The following TTBK2 variants were observed in gnomAD, a reference collection of about 807,000 sequenced individuals.
TTBK2 encodes tau-tubulin kinase 2.
In TTBK2, 28 loss-of-function variants were observed where a neutral mutation model predicts 110.8. The ratio of observed to expected loss-of-function variants is 0.25; its 90% CI spans 0.19 to 0.35. The LOEUF (loss-of-function observed/expected upper bound fraction) is 0.35. Among genes scored for constraint, TTBK2 ranks in the 10% least tolerant of loss-of-function variants. The pLI is 1.00. For missense variants in TTBK2, 1,369 were observed against 1,500.3 expected (o/e 0.91, Z 1.45); for synonymous variants, 532 against 527.3 (o/e 1.01, Z -0.12).
At chr15:42,793,683 T>C (rs1214929664) in intron 10 of TTBK2, among the ~76,000 whole-genome samples, 1 of 152,012 alleles carries the variant, frequency 6.6e-6, no homozygotes, top group Non-Finnish European at 1.5e-5. Context: ...ACCCCGTCTC[T>C]ACTAAAAATA....
At chr15:42,873,164 G>C (rs910273028) in intron 2 of TTBK2, among the ~76,000 whole-genome samples, 1 of 152,248 alleles carries the variant, frequency 6.6e-6, no homozygotes, top group Non-Finnish European at 1.5e-5. Context: ...GAGTGCAGTG[G>C]CTCACACCTG....
At chr15:42,918,552 A>C (rs964872460) in intron 1 of TTBK2, among the ~76,000 whole-genome samples, 2 of 152,204 alleles carry the variant, frequency 1.3e-5, no homozygotes, top group African/African-American at 4.8e-5. Flanking sequence ...TTTAAATTCC[A>C]TGATCACAGC....
chr15:42,769,489 C>T (rs1172681178), intron 13 of TTBK2, among the ~76,000 whole-genome samples: 1 of 149,606 alleles, frequency 6.7e-6, no homozygotes, highest in Non-Finnish European at 1.5e-5. Flanking sequence ...ATTTATGCAG[C>T]CAACAGACAC....
At chr15:42,802,016 G>C (rs746739370) in intron 9 of TTBK2, 5 of 1,495,630 alleles carry the variant, frequency 3.3e-6, no homozygotes, top group Non-Finnish European at 4.6e-6. Context: ...ATGTTGCTCC[G>C]AGCCATCTTC....
rs1304039955 is a variant in TTBK2, at chr15:42,816,081, AATAAATATATATATATATAT to A, written c.603+931_603+950del. ...AAATATATATATATAAAAATAAATAAATAAATATATATATATATATATATATATATATATATATGTGTATA... is the reference window on the plus strand; with the variant it reads ...AAATATATATATATAAAAATAAATAAATATATATATATATATATGTGTATA... On this transcript the variant is annotated intron_variant, in intron 7 of 14. Coordinates refer to ENST00000267890, the MANE Select transcript of TTBK2 (RefSeq NM_173500.4). 5.8e-3 allele frequency among the ~76,000 whole-genome samples: 352 copies of A among 60,294 alleles called. 13 individuals carry two copies. The highest frequency in any genetic ancestry group is 0.031 in the African/African-American group (307 of 10,062). 39.6% of individuals were successfully genotyped at this position (60,294 alleles called of 152,430 possible). A position where few individuals can be genotyped will look rare whatever the true frequency, so the allele number is the denominator to read the frequency against.
At position 42,740,226 on chromosome 15, in the gene TTBK2, G is replaced by A. The variant is rs956458374; in HGVS notation, c.*5569C>T. On this transcript the variant is annotated 3_prime_UTR_variant, in exon 15 of 15. Coordinates refer to ENST00000267890, the MANE Select transcript of TTBK2 (RefSeq NM_173500.4). ...TACCACTAACGCTTCCAGCTGAAGA[G>A]GAGGCAGAAAACCGTTACATTGCAC... 6.6e-6 allele frequency: 1 copy of A among 152,174 alleles called. No homozygotes were observed. The highest frequency in any genetic ancestry group is 1.5e-5 in the Non-Finnish European group (1 of 68,042). 9.4% of individuals were successfully genotyped at this position (152,174 alleles called of 1,614,324 possible).
In TTBK2 at chr15:42,775,433, T is replaced by C. The variant is rs199715074; in HGVS notation, c.1700A>G (p.Asn567Ser). Residue 567 changes from asparagine to serine, a missense_variant, in exon 13 of 15, where the codon AAT becomes AGT. Physicochemically the swap from Asn to Ser is conservative, Grantham distance 46. Around this residue, in one of 4 missense-constraint regions of TTBK2, gnomAD observed 1,097 missense variants for 1,114.7 expected, o/e 0.98. Coordinates refer to ENST00000267890, the MANE Select transcript of TTBK2 (RefSeq NM_173500.4). ...AGTTGTTTTATGTCCTACAGCCTCA[T>C]TTGTCCTAAAATCCTGAAGGTCCTG... Reference protein sequence around the residue: ...KEQDLQDFRTNEAVGHKTTGS... With the variant: ...KEQDLQDFRTSEAVGHKTTGS... 3 of 1,614,200 alleles carry C rather than the reference T, an allele frequency of 1.9e-6. No homozygotes were observed. Among genetic ancestry groups the C allele is most frequent in the East Asian group, 2.2e-5 (1 of 44,890 alleles).
chr15:42,813,772 G>C (rs971611489), intron 7 of TTBK2, among the ~76,000 whole-genome samples: 1 of 150,876 alleles, frequency 6.6e-6, no homozygotes, highest in Non-Finnish European at 1.5e-5. Context: ...CTAGAACCCA[G>C]GAGGCGGAGG....
At chr15:42,790,330 G>C (rs1399629852) in intron 10 of TTBK2, among the ~76,000 whole-genome samples, 1 of 151,112 alleles carries the variant, frequency 6.6e-6, no homozygotes, top group East Asian at 1.9e-4. Context: ...TGCTGCCCAG[G>C]GTGGAGTATA....
chr15:42,901,499 T>G (rs1450956769), intron 1 of TTBK2, among the ~76,000 whole-genome samples: 1 of 151,840 alleles, frequency 6.6e-6, no homozygotes, highest in African/African-American at 2.4e-5. Context: ...TAAAAACTTT[T>G]GGCCAGGCAC....
chr15:42,747,437 G>A (rs1360078830), intron 14 of TTBK2, among the ~76,000 whole-genome samples: 12 of 152,170 alleles, frequency 7.9e-5, no homozygotes, highest in Admixed American at 7.2e-4. Flanking sequence ...GAGCAGTTTC[G>A]TGGAAGACAA....
rs962304989 is a variant in TTBK2, at chr15:42,740,934, A to C, written c.*4861T>G. ...ACTTTACTGTCATAATTCCAAGTTC[A>C]GTCAGGGATTTCTCAGAATTGAGGT... On this transcript the variant is annotated 3_prime_UTR_variant, in exon 15 of 15. Transcript: ENST00000267890. 2 of 152,250 alleles carry C rather than the reference A, an allele frequency of 1.3e-5. No homozygotes were observed. Among genetic ancestry groups the C allele is most frequent in the Admixed American group, 6.5e-5 (1 of 15,288 alleles). 9.4% of individuals were successfully genotyped at this position (152,250 alleles called of 1,614,324 possible).
At position 42,764,934 on chromosome 15, in the gene TTBK2, G is replaced by A. The variant is rs559109075; in HGVS notation, c.1998+10201C>T. 5.3e-5 allele frequency among the ~76,000 whole-genome samples: 8 copies of A among 151,976 alleles called. No homozygotes were observed. The East Asian group carries it at 1.4e-3, about 26-fold the overall frequency. On this transcript the variant is annotated intron_variant, in intron 13 of 14. Transcript: ENST00000267890. ...GAGGAAGGATCAGGCAGCAATATTTGCTGTTCTGCAATATTTGCTGTTCTG... is the reference window on the plus strand; with the variant it reads ...GAGGAAGGATCAGGCAGCAATATTTACTGTTCTGCAATATTTGCTGTTCTG...
intron 1 of TTBK2, among the ~76,000 whole-genome samples, chr15:42,884,715 T>C (rs1379821070): frequency 6.6e-6 from 1 of 151,846 alleles, no homozygotes; most frequent in Non-Finnish European, 1.5e-5. Context: ...CTTAATGAAG[T>C]CTCCATTAAA....
At chr15:42,768,427 A>C (rs1395000454) in intron 13 of TTBK2, among the ~76,000 whole-genome samples, 1 of 152,238 alleles carries the variant, frequency 6.6e-6, no homozygotes, top group Non-Finnish European at 1.5e-5. Flanking sequence ...TCAGGATACA[A>C]AATCAATGTG....
intron 7 of TTBK2, among the ~76,000 whole-genome samples, 158 bp downstream of exon 7, chr15:42,816,874 G>A (rs781766937): frequency 2.6e-5 from 4 of 151,620 alleles, no homozygotes; most frequent in African/African-American, 4.8e-5. Flanking sequence ...AGCCAAGATC[G>A]GGCCACTGCA....
In TTBK2 at chr15:42,872,715, G is replaced by A. The variant is rs1894661838; in HGVS notation, c.113C>T (p.Ala38Val). The change falls in exon 3 of 15, where the codon GCC becomes GTC. Residue 38 changes from alanine to valine, a missense_variant. Physicochemically the swap from Ala to Val is moderately conservative, Grantham distance 64. Around this residue, in one of 4 missense-constraint regions of TTBK2, gnomAD observed 122 missense variants for 159.7 expected, o/e 0.76. Coordinates refer to ENST00000267890, the MANE Select transcript of TTBK2 (RefSeq NM_173500.4). ...ATTTTCCCTGGTGAGCATGTCCAAGGCATCGTAAATTTCTCCAAAGCCCCC... is the reference window on the plus strand; with the variant it reads ...ATTTTCCCTGGTGAGCATGTCCAAGACATCGTAAATTTCTCCAAAGCCCCC... The part of the protein sequence containing the change: ...GGGGFGEIYD[A>V]LDMLTRENVA... 4.3e-6 allele frequency: 7 copies of A among 1,613,976 alleles called. No homozygotes were observed. The highest frequency in any genetic ancestry group is 5.9e-6 in the Non-Finnish European group (7 of 1,180,002).
intron 2 of TTBK2, among the ~76,000 whole-genome samples, chr15:42,874,753 C>T (rs1000435987): frequency 3.3e-5 from 5 of 150,448 alleles, no homozygotes; most frequent in South Asian, 4.2e-4. Flanking sequence ...TTTGGGAGGC[C>T]GAGGCGGGCG....
chr15:42,846,781 G>A (rs1386533429), intron 3 of TTBK2, among the ~76,000 whole-genome samples: 1 of 152,170 alleles, frequency 6.6e-6, no homozygotes, highest in African/African-American at 2.4e-5. Flanking sequence ...GGAGAGGATT[G>A]GAACTTTCAG....
Sources: gnomAD v4.1 joint callset for allele counts (sites outside exome capture counted in the v4.1 genomes callset) on GRCh38, gnomAD v4.1.1 for gene constraint, gnomAD v4.1.1 regional missense constraint, MANE v1.5 for transcripts, NCBI Gene and HGNC (gene_info 2026-07-23, HGNC 2026-07-21) for gene names.